The following LRRC4C variants were observed in gnomAD, a reference collection of about 807,000 sequenced individuals.
The protein encoded by LRRC4C is leucine rich repeat containing 4C.
In LRRC4C, 5 loss-of-function variants were observed where a neutral mutation model predicts 33.6. The ratio of observed to expected loss-of-function variants is 0.15; its 90% CI spans 0.08 to 0.31. The LOEUF (loss-of-function observed/expected upper bound fraction) is 0.31, where lower values mean the gene tolerates loss of function less well. Ranked by LOEUF, LRRC4C falls within the 10% of genes least tolerant of loss-of-function variation. The pLI, the probability that LRRC4C is intolerant of heterozygous loss-of-function variation, is 1.00. For synonymous variants in LRRC4C, 329 were observed against 302.0 expected (o/e 1.09, Z -0.93); for missense variants, 560 against 796.7 (o/e 0.70, Z 3.58).
chr11:40,500,424 A>G (rs924825594), intron 3 of LRRC4C, among the ~76,000 whole-genome samples: 2 of 151,494 alleles, frequency 1.3e-5, no homozygotes, highest in African/African-American at 2.4e-5. Flanking sequence ...GTATTAGTCC[A>G]TTTTCATGCT....
rs1948019899 is a variant in LRRC4C at position 40,738,934 on chromosome 11, G to GT, written c.-406-90657dup. 2.0e-5 allele frequency among the ~76,000 whole-genome samples: 3 copies of GT among 151,968 alleles called. No individual in the cohort carries two copies. The South Asian group carries it at 6.2e-4, about 32-fold the overall frequency. ...AATCTACTTTTGGGTACAATGTGAT[G>GT]TTTTGATATACGCTGTGAAATGATT... On this transcript the variant is annotated intron_variant, in intron 2 of 6. Coordinates refer to ENST00000528697, the MANE Select transcript of LRRC4C (RefSeq NM_001258419.2).
At chr11:40,729,222 C>T (rs79432434) in intron 2 of LRRC4C, among the ~76,000 whole-genome samples, 2,820 of 152,086 alleles carry the variant, frequency 0.019, 87 homozygotes, top group African/African-American at 0.063. Flanking sequence ...ATATTTTAGT[C>T]GAAATTAGTG....
intron 4 of LRRC4C, among the ~76,000 whole-genome samples, chr11:40,252,879 A>T (rs1490403043): frequency 5.3e-5 from 8 of 152,182 alleles, no homozygotes; most frequent in Admixed American, 5.2e-4. Flanking sequence ...AAATATCATC[A>T]ATACTTTCTT....
intron 1 of LRRC4C, among the ~76,000 whole-genome samples, chr11:41,220,947 G>A (rs1278561034): frequency 2.6e-5 from 4 of 152,134 alleles, no homozygotes; most frequent in African/African-American, 4.8e-5. Flanking sequence ...TTAAATTACT[G>A]ATGATTTCTC....
intron 1 of LRRC4C, among the ~76,000 whole-genome samples, chr11:40,941,240 A>G (rs1240805589): frequency 6.6e-6 from 1 of 152,172 alleles, no homozygotes; most frequent in African/African-American, 2.4e-5. Context: ...GCAGATTAAA[A>G]CAGGTTTGTA....
intron 1 of LRRC4C, among the ~76,000 whole-genome samples, chr11:40,985,905 TA>T (rs2137166297): frequency 6.6e-6 from 1 of 152,162 alleles, no homozygotes. Context: ...AGTCAAGGGG[TA>T]AAACAGCATG....
chr11:41,392,014 A>AT (rs1953616099), intron 1 of LRRC4C, among the ~76,000 whole-genome samples: 1 of 151,938 alleles, frequency 6.6e-6, no homozygotes, highest in South Asian at 2.1e-4. Context: ...AACTATATGT[A>AT]TAAAAATAGC....
Position 41,091,465 on chromosome 11 carries a change from G to T in LRRC4C, c.-495-157742C>A, listed in dbSNP as rs139504800. 8.8e-3 allele frequency among the ~76,000 whole-genome samples: 1,341 copies of T among 151,918 alleles called. 19 individuals carry two copies. Among genetic ancestry groups the T allele is most frequent in the African/African-American group, 0.03 (1,232 of 41,458 alleles). ...AAGGAGTAGACAAAACTCGAAATCA[G>T]GAATCTCTAACTCTACCACTCTTAC... On this transcript the variant is annotated intron_variant, in intron 1 of 6. Coordinates refer to ENST00000528697, the MANE Select transcript of LRRC4C (RefSeq NM_001258419.2).
intron 5 of LRRC4C, among the ~76,000 whole-genome samples, chr11:40,142,405 T>C (rs1378009310): frequency 6.6e-6 from 1 of 151,966 alleles, no homozygotes; most frequent in Non-Finnish European, 1.5e-5. Flanking sequence ...TTAATGTGCT[T>C]GGGATTTATA....
chr11:40,516,423 T>C (rs562033321), intron 3 of LRRC4C, among the ~76,000 whole-genome samples: 8 of 152,196 alleles, frequency 5.3e-5, no homozygotes, highest in Admixed American at 5.2e-4. Flanking sequence ...ATTGCTAAAC[T>C]AGTTAAATAC....
intron 2 of LRRC4C, among the ~76,000 whole-genome samples, chr11:40,743,501 A>T (rs577637379): frequency 6.6e-6 from 1 of 152,174 alleles, no homozygotes; most frequent in African/African-American, 2.4e-5. Flanking sequence ...TGCCTATTCC[A>T]GCTTATAGAG....
At chr11:41,358,327 T>C (rs1021516455) in intron 1 of LRRC4C, among the ~76,000 whole-genome samples, 2 of 152,110 alleles carry the variant, frequency 1.3e-5, no homozygotes, top group Non-Finnish European at 2.9e-5. Flanking sequence ...AAAATATATA[T>C]GACCTTGGGT....
At chr11:40,161,735 C>A (rs1859173956) in intron 5 of LRRC4C, among the ~76,000 whole-genome samples, 1 of 151,964 alleles carries the variant, frequency 6.6e-6, no homozygotes, top group Non-Finnish European at 1.5e-5. Context: ...TCAGCCTGGG[C>A]AACAGAGCGA....
In LRRC4C at chr11:40,664,469, C is replaced by T. The variant is rs554072821; in HGVS notation, c.-406-16191G>A. Among the ~76,000 whole-genome samples the T allele has an allele frequency of 2.6e-4, 40 of 151,068 alleles. No homozygotes were observed. The South Asian group carries it at 4.4e-3, about 17-fold the overall frequency. ...ATGAGGCAGGAGAATCGCTTGAACC[C>T]GATGGGTGGAGGTTGCAGTGAGCCG... On this transcript the variant is annotated intron_variant, in intron 2 of 6. Transcript: ENST00000528697.
intron 5 of LRRC4C, among the ~76,000 whole-genome samples, chr11:40,226,286 C>T (rs770110569): frequency 3.3e-5 from 5 of 152,146 alleles, no homozygotes; most frequent in African/African-American, 1.2e-4. Flanking sequence ...TAGGCCAATA[C>T]GTTCACTATT....
At position 40,698,512 on chromosome 11, in the gene LRRC4C, C is replaced by T. The variant is rs1006767285; in HGVS notation, c.-406-50234G>A. ...AATCAGTCTTGCCTCACCTATTGTC[C>T]TTCCTCTGCTTTATCTTCAAATGGA... On this transcript the variant is annotated intron_variant, in intron 2 of 6. Transcript: ENST00000528697. Among the ~76,000 whole-genome samples, 6 of 151,720 alleles carry T rather than the reference C, an allele frequency of 4.0e-5. No individual in the cohort carries two copies. The East Asian group carries it at 1.2e-3, about 29-fold the overall frequency.
chr11:41,277,950 C>T (rs762783322), intron 1 of LRRC4C, among the ~76,000 whole-genome samples: 42 of 151,744 alleles, frequency 2.8e-4, no homozygotes, highest in African/African-American at 2.2e-4. Flanking sequence ...ACAAATAACG[C>T]GTGATCCCAT....
chr11:40,429,568 T>TAAAAAAAAA (rs59538764), intron 3 of LRRC4C, among the ~76,000 whole-genome samples: 2 of 147,696 alleles, frequency 1.4e-5, no homozygotes, highest in African/African-American at 2.5e-5. Flanking sequence ...GCAATAATAA[T>TAAAAAAAAA]AAAAAAAAAA....
chr11:40,627,253 T>TAGAG lies in LRRC4C; in HGVS notation c.-270+20885_-270+20888dup, dbSNP rs58297752. On this transcript the variant is annotated intron_variant, in intron 3 of 6. Coordinates refer to ENST00000528697, the MANE Select transcript of LRRC4C (RefSeq NM_001258419.2). ...TTCAAAAGCAAGCTGTGTTTCCCAT[T>TAGAG]AGAGAGAGAGAGAGAGAGAGAGCGA... Among the ~76,000 whole-genome samples the TAGAG allele has an allele frequency of 7.8e-3, 1,007 of 129,096 alleles. 16 individuals carry two copies. Among genetic ancestry groups the TAGAG allele is most frequent in the African/African-American group, 0.028 (934 of 33,350 alleles). The allele number at this position is 129,096 out of a possible 152,430, so 84.7% of individuals were successfully genotyped here. A position where few individuals can be genotyped will look rare whatever the true frequency, so the allele number is the denominator to read the frequency against.
Sources: gnomAD v4.1 joint callset for allele counts (sites outside exome capture counted in the v4.1 genomes callset) on GRCh38, gnomAD v4.1.1 for gene constraint, MANE v1.5 for transcripts, NCBI Gene and HGNC (gene_info 2026-07-23, HGNC 2026-07-21) for gene names.